The following SLC14A2 variants were observed in gnomAD, a reference collection of about 807,000 sequenced individuals.
SLC14A2 encodes solute carrier family 14 member 2.
Under a neutral mutation model 104.6 loss-of-function variants are expected in SLC14A2, and 91 were observed. That is an observed-to-expected ratio of 0.87 (90% CI 0.73 to 1.04). The LOEUF is 1.04. Ranked by LOEUF, SLC14A2 falls within the 50% of genes least tolerant of loss-of-function variation. SLC14A2 has a pLI of 0.00. For missense variants in SLC14A2, 1,189 were observed against 1,156.0 expected (o/e 1.03, Z -0.41); for synonymous variants, 476 against 466.4 (o/e 1.02, Z -0.27).
At chr18:45,605,149 C>T (rs1464599013) in intron 2 of SLC14A2, among the ~76,000 whole-genome samples, 1 of 152,196 alleles carries the variant, frequency 6.6e-6, no homozygotes, top group Non-Finnish European at 1.5e-5. Context: ...CTTAACTTTG[C>T]AATGCTGATC....
At chr18:45,305,284 G>A (rs2085007766) in intron 1 of SLC14A2, among the ~76,000 whole-genome samples, 1 of 152,248 alleles carries the variant, frequency 6.6e-6, no homozygotes, top group Admixed American at 6.5e-5. Flanking sequence ...ACCCAAGGGT[G>A]AGTCAAACCA....
chr18:45,216,961 AG>A (rs1394334650), intron 1 of SLC14A2, among the ~76,000 whole-genome samples: 1 of 152,072 alleles, frequency 6.6e-6, no homozygotes, highest in Non-Finnish European at 1.5e-5. Context: ...CCACACTCTA[AG>A]TTAGGGTAAT....
the SLC14A2 span, among the ~76,000 whole-genome samples, chr18:45,207,819 C>T: frequency 1.3e-5 from 2 of 151,918 alleles, no homozygotes; most frequent in Admixed American, 6.6e-5. Context: ...GCTAGAGATG[C>T]CCAGAATGTT....
intron 1 of SLC14A2, among the ~76,000 whole-genome samples, chr18:45,269,334 T>C (rs560813693): frequency 1.7e-3 from 261 of 152,194 alleles, no homozygotes; most frequent in African/African-American, 5.3e-3. Context: ...GTTTTAGCTG[T>C]CATTTGTACA....
chr18:45,673,435 T>C (rs2144650977), intron 17 of SLC14A2, among the ~76,000 whole-genome samples: 1 of 152,352 alleles, frequency 6.6e-6, no homozygotes, highest in South Asian at 2.1e-4. Flanking sequence ...ACTGTTTAAA[T>C]CAGACTTCTG....
At chr18:45,542,104 A>G (rs1416993712) in intron 2 of SLC14A2, 3 of 128,002 alleles carry the variant, frequency 2.3e-5, no homozygotes, top group African/African-American at 9.1e-5. Flanking sequence ...CAACAATCAG[A>G]AAGTCTGGCT....
At chr18:45,255,525 G>T (rs1003742892) in intron 1 of SLC14A2, among the ~76,000 whole-genome samples, 2 of 152,186 alleles carry the variant, frequency 1.3e-5, no homozygotes, top group Non-Finnish European at 2.9e-5. Flanking sequence ...TGCTTTAAAA[G>T]ACCCTTGATT....
intron 10 of SLC14A2, among the ~76,000 whole-genome samples, chr18:45,653,125 C>T (rs1003855827): frequency 1.4e-4 from 22 of 152,102 alleles, no homozygotes; most frequent in African/African-American, 5.3e-4. Flanking sequence ...ACAAGAAAAA[C>T]GTGAAGGCTC....
chr18:45,512,681 G>A (rs765031662), intron 2 of SLC14A2, among the ~76,000 whole-genome samples: 15 of 152,142 alleles, frequency 9.9e-5, no homozygotes, highest in Non-Finnish European at 2.1e-4. Context: ...ATTGATTAGG[G>A]CAATAGATTT....
At chr18:45,457,090 T>G (rs1357765149) in intron 1 of SLC14A2, among the ~76,000 whole-genome samples, 1 of 152,128 alleles carries the variant, frequency 6.6e-6, no homozygotes, top group East Asian at 1.9e-4. Context: ...CAATTCCACT[T>G]TGGGTGAAAG....
At chr18:45,425,712 AG>A (rs2086414704) in intron 1 of SLC14A2, among the ~76,000 whole-genome samples, 1 of 152,210 alleles carries the variant, frequency 6.6e-6, no homozygotes, top group Non-Finnish European at 1.5e-5. Flanking sequence ...CCTGGAATTC[AG>A]TGTCAGTCAG....
intron 1 of SLC14A2, among the ~76,000 whole-genome samples, chr18:45,339,811 A>G (rs1222677345): frequency 6.6e-6 from 1 of 152,182 alleles, no homozygotes; most frequent in Non-Finnish European, 1.5e-5. Flanking sequence ...GTGACCATAT[A>G]ATTTATTGTC....
intron 1 of SLC14A2, among the ~76,000 whole-genome samples, chr18:45,241,697 G>T (rs951784849): frequency 1.5e-5 from 2 of 131,368 alleles, no homozygotes; most frequent in Non-Finnish European, 3.1e-5. Flanking sequence ...AGGCTGGAAT[G>T]CAATGGCACA....
chr18:45,493,024 C>G (rs2043030171), intron 2 of SLC14A2: 1 of 152,242 alleles, frequency 6.6e-6, no homozygotes, highest in Non-Finnish European at 1.5e-5. Flanking sequence ...ACACTCACCT[C>G]TCTTTGGGAA....
Position 45,629,024 on chromosome 18 carries a change from C to T in SLC14A2, c.521+1877C>T, listed in dbSNP as rs577251659. On this transcript the variant is annotated intron_variant, in intron 4 of 19. Coordinates refer to ENST00000255226, the MANE Select transcript of SLC14A2 (RefSeq NM_007163.4). ...CAAAGGTGCCACAGCCAGTGGGTGGCAGGACTTAGGCTTGGAGGCATGACC... is the reference window on the plus strand; with the variant it reads ...CAAAGGTGCCACAGCCAGTGGGTGGTAGGACTTAGGCTTGGAGGCATGACC... 3.9e-5 allele frequency among the ~76,000 whole-genome samples: 6 copies of T among 152,304 alleles called. No homozygotes were observed. The South Asian group carries it at 1.2e-3, about 32-fold the overall frequency.
At chr18:45,253,685 C>G (rs577310627) in intron 1 of SLC14A2, among the ~76,000 whole-genome samples, 1 of 152,128 alleles carries the variant, frequency 6.6e-6, no homozygotes, top group Non-Finnish European at 1.5e-5. Flanking sequence ...TCACCCCAAC[C>G]CAAGCCATTT....
intron 2 of SLC14A2, among the ~76,000 whole-genome samples, chr18:45,505,485 T>A (rs2043267843): frequency 1.3e-5 from 2 of 152,222 alleles, no homozygotes; most frequent in Admixed American, 6.5e-5. Context: ...GGTTTCTTGC[T>A]TCCTATGGGA....
chr18:45,680,982 C>A (rs80313934), intron 19 of SLC14A2, among the ~76,000 whole-genome samples: 4 of 149,118 alleles, frequency 2.7e-5, no homozygotes, highest in African/African-American at 1.0e-4. Flanking sequence ...AAGACGCACC[C>A]AACGGTGCCA....
At chr18:45,292,721 T>C (rs1056286986) in intron 1 of SLC14A2, among the ~76,000 whole-genome samples, 2 of 152,240 alleles carry the variant, frequency 1.3e-5, no homozygotes, top group Admixed American at 6.5e-5. Context: ...ACCGGCTACA[T>C]TGGCGTATAT....
Sources: gnomAD v4.1 joint callset for allele counts (sites outside exome capture counted in the v4.1 genomes callset) on GRCh38, gnomAD v4.1.1 for gene constraint, MANE v1.5 for transcripts, NCBI Gene and HGNC (gene_info 2026-07-23, HGNC 2026-07-21) for gene names.